CCDC61: variants seen among roughly 807,000 people sequenced by gnomAD.
CCDC61 encodes the protein coiled-coil domain containing 61.
In CCDC61, 55 loss-of-function variants were observed where a neutral mutation model predicts 63.0. That is an observed-to-expected ratio of 0.87 (90% CI 0.70 to 1.09). The LOEUF (loss-of-function observed/expected upper bound fraction) is 1.09, where lower values mean the gene tolerates loss of function less well. CCDC61 is among the 50% of genes least tolerant of loss of function. The probability of loss-of-function intolerance (pLI) is 0.00; values close to 1 mark genes in which losing one functional copy is unlikely to be tolerated. For missense variants in CCDC61, 651 were observed against 731.4 expected (o/e 0.89, Z 1.27); for synonymous variants, 270 against 317.0 (o/e 0.85, Z 1.58).
Position 46,015,099 on chromosome 19 carries a change from G to T in CCDC61, c.602G>T (p.Arg201Leu). Residue 201 changes from arginine to leucine, a missense_variant, in exon 6 of 14, where the codon CGA (arginine) becomes CTA (leucine). Physicochemically the swap from Arg to Leu is moderately radical, Grantham distance 102. Coordinates refer to ENST00000595358, the MANE Select transcript of CCDC61 (RefSeq NM_001267723.2). The surrounding 1 kb of genome is among the most constrained non-coding windows in gnomAD (Gnocchi z 5.3). ...EKRELEAQLG[R>L]SREEALAGRA... ...CGGGAGCTGGAGGCGCAGCTGGGCC[G>T]ATCGCGCGAGGAGGCGCTGGCCGGG... The T allele has an allele frequency of 7.3e-7, 1 of 1,374,426 alleles. No individual in the cohort carries two copies. Among genetic ancestry groups the T allele is most frequent in the South Asian group, 1.6e-5 (1 of 61,334 alleles). The allele number at this position is 1,374,426 out of a possible 1,614,324, so 85.1% of individuals were successfully genotyped here.
chr19:46,006,129 C>T (rs1428262776), intron 3 of CCDC61, among the ~76,000 whole-genome samples: 8 of 152,192 alleles, frequency 5.3e-5, no homozygotes, highest in African/African-American at 1.4e-4. Flanking sequence ...CAGTACCATT[C>T]GGTGCCAGGG....
At chr19:46,017,602 G>A (rs900590216) in intron 12 of CCDC61, among the ~76,000 whole-genome samples, 3 of 152,084 alleles carry the variant, frequency 2.0e-5, no homozygotes, top group African/African-American at 7.2e-5. Flanking sequence ...GTCTCTTTAT[G>A]TTGCCCAGGC....
intron 1 of CCDC61, chr19:45,996,410 A>T (rs1188783415): frequency 6.7e-6 from 1 of 149,802 alleles, no homozygotes; most frequent in Non-Finnish European, 1.5e-5. Flanking sequence ...AGGTACTAAG[A>T]TCAAGAAGCT....
At chr19:46,012,594 C>T (rs1404037836) in intron 5 of CCDC61, among the ~76,000 whole-genome samples, 2 of 151,902 alleles carry the variant, frequency 1.3e-5, no homozygotes, top group African/African-American at 2.4e-5. Flanking sequence ...TTGCAGTGAG[C>T]CGAGATCACG....
In CCDC61 at chr19:46,006,722, G is replaced by A; in HGVS notation, c.389+6G>A. On this transcript the variant is annotated splice_donor_region_variant and intron_variant, in intron 4 of 13. Coordinates refer to ENST00000595358, the MANE Select transcript of CCDC61 (RefSeq NM_001267723.2). ...TACTCCGTGGAGTTTGACAGGTGGG[G>A]AGAAGGGTCTGGCTCCAGGGCCAGG... 6.2e-7 allele frequency: 1 copy of A among 1,600,036 alleles called. No individual in the cohort carries two copies. Among genetic ancestry groups the A allele is most frequent in the Non-Finnish European group, 8.5e-7 (1 of 1,169,626 alleles).
At chr19:46,006,738 C>T (rs1568690874) in intron 4 of CCDC61, 22 bp downstream of exon 4, 3 of 1,580,172 alleles carry the variant, frequency 1.9e-6, no homozygotes, top group Non-Finnish European at 2.6e-6. Flanking sequence ...GGTCTGGCTC[C>T]AGGGCCAGGC....
chr19:46,006,748 C>T, intron 4 of CCDC61, 32 bp downstream of exon 4: 1 of 1,569,420 alleles, frequency 6.4e-7, no homozygotes, highest in Non-Finnish European at 8.7e-7. Context: ...CAGGGCCAGG[C>T]TGGTGGGCGG....
At chr19:46,010,750 C>T (rs1262509160) in intron 5 of CCDC61, among the ~76,000 whole-genome samples, 1 of 152,204 alleles carries the variant, frequency 6.6e-6, no homozygotes, top group Non-Finnish European at 1.5e-5. Flanking sequence ...TCAACAGTTA[C>T]CCACGTTTGC....
Position 46,016,118 on chromosome 19 carries a change from C to A in CCDC61, c.910C>A (p.Arg304Ser). Residue 304 changes from arginine to serine, a missense_variant, in exon 8 of 14, where the codon CGC becomes AGC. Transcript: ENST00000595358. This position sits in a 1 kb window ranked among gnomAD's most constrained non-coding sequence, Gnocchi z 7.2. ...REDRASSSRE[R>S]SASRGRGAAR... is the part of the protein sequence containing the mutation. ...GGACCGGGCCTCATCGTCCCGGGAG[C>A]GCTCCGCGTCGCGAGGCCGCGGCGC... is the stretch of plus-strand genomic sequence containing the variant. The A allele has an allele frequency of 8.2e-7, 1 of 1,226,952 alleles. No homozygotes were observed. The highest frequency in any genetic ancestry group is 1.0e-6 in the Non-Finnish European group (1 of 994,236). 76.0% of individuals were successfully genotyped at this position (1,226,952 alleles called of 1,614,324 possible). A position where few individuals can be genotyped will look rare whatever the true frequency, so the allele number is the denominator to read the frequency against.
At chr19:46,008,332 G>T in intron 5 of CCDC61, 31 bp downstream of exon 5, 3 of 940,616 alleles carry the variant, frequency 3.2e-6, no homozygotes, top group Admixed American at 1.9e-5. Flanking sequence ...CAGCTGGGGC[G>T]GGTGGGGGCC....
At chr19:45,999,909 G>A (rs2146452445) in intron 1 of CCDC61, 2 of 469,700 alleles carry the variant, frequency 4.3e-6, no homozygotes, top group South Asian at 1.8e-4. Context: ...GGGTTGGTGA[G>A]GGCGGGGCCT....
intron 1 of CCDC61, among the ~76,000 whole-genome samples, chr19:46,000,694 A>G (rs1325058388): frequency 6.6e-6 from 1 of 151,898 alleles, no homozygotes; most frequent in African/African-American, 2.4e-5. Flanking sequence ...CACTTAGGAC[A>G]TGCCTAGAGG....
chr19:45,997,258 A>G (rs954547674), intron 1 of CCDC61, among the ~76,000 whole-genome samples: 6 of 152,090 alleles, frequency 3.9e-5, no homozygotes, highest in Non-Finnish European at 7.4e-5. Flanking sequence ...CACCTCTTTC[A>G]GGTCTCCGCT....
chr19:45,997,588 G>C (rs1187786019), intron 1 of CCDC61, among the ~76,000 whole-genome samples: 1 of 151,910 alleles, frequency 6.6e-6, no homozygotes, highest in African/African-American at 2.4e-5. Flanking sequence ...ACGGGGTTTT[G>C]CCATGTTGGC....
chr19:46,008,701 G>A (rs955957297), intron 5 of CCDC61, among the ~76,000 whole-genome samples: 6 of 152,170 alleles, frequency 3.9e-5, no homozygotes, highest in African/African-American at 7.2e-5. Flanking sequence ...GAGCCACTGC[G>A]CCCGGCCTCT....
Position 46,009,625 on chromosome 19 carries a change from T to C in CCDC61, c.551+1324T>C, listed in dbSNP as rs148281095. On this transcript the variant is annotated intron_variant, in intron 5 of 13. Transcript: ENST00000595358. ...GTTGTTTCCCCAGCTGTTTGCACTG[T>C]TGGTGGCTGCAAGCCCAGGACAGAG... 9.1e-3 allele frequency among the ~76,000 whole-genome samples: 1,385 copies of C among 152,294 alleles called. 29 individuals are homozygous for C. Among genetic ancestry groups the C allele is most frequent in the African/African-American group, 0.03 (1,264 of 41,576 alleles).
chr19:46,010,854 A>G (rs1400139195), intron 5 of CCDC61, among the ~76,000 whole-genome samples: 1 of 152,210 alleles, frequency 6.6e-6, no homozygotes, highest in Non-Finnish European at 1.5e-5. Context: ...TCTTTAACAC[A>G]TAAGGATATA....
intron 1 of CCDC61, among the ~76,000 whole-genome samples, chr19:45,997,748 C>T (rs1288290855): frequency 6.6e-6 from 1 of 151,538 alleles, no homozygotes; most frequent in Non-Finnish European, 1.5e-5. Flanking sequence ...GTGCAGTGGC[C>T]TCATCTCAGC....
chr19:46,011,143 G>T (rs988864443), intron 5 of CCDC61, among the ~76,000 whole-genome samples: 6 of 141,446 alleles, frequency 4.2e-5, no homozygotes, highest in African/African-American at 1.9e-4. Context: ...TTACCTCCTG[G>T]GCTCAAGCGA....
Sources: allele counts gnomAD v4.1 joint callset (sites outside exome capture counted in the v4.1 genomes callset), GRCh38; gene constraint gnomAD v4.1.1; non-coding constraint Gnocchi (gnomAD v3.1); transcripts MANE v1.5; gene names NCBI Gene and HGNC (gene_info 2026-07-23, HGNC 2026-07-21).